UBE3C: variants seen among roughly 807,000 people sequenced by gnomAD.
UBE3C encodes the protein ubiquitin-protein ligase E3C.
In UBE3C, 42 loss-of-function variants were observed where a neutral mutation model predicts 129.4. That is an observed-to-expected ratio of 0.32 (90% CI 0.25 to 0.42). The LOEUF is 0.42. Ranked by LOEUF, UBE3C falls within the 10% of genes least tolerant of loss-of-function variation. The pLI, the probability that UBE3C is intolerant of heterozygous loss-of-function variation, is 1.00. For synonymous variants in UBE3C, 510 were observed against 492.4 expected (o/e 1.04, Z -0.47); for missense variants, 1,049 against 1,319.1 (o/e 0.80, Z 3.17).
At chr7:157,147,305 G>A (rs1354860697) in intron 1 of UBE3C, among the ~76,000 whole-genome samples, 1 of 152,164 alleles carries the variant, frequency 6.6e-6, no homozygotes, top group Non-Finnish European at 1.5e-5. Context: ...GAATGGTATT[G>A]TGTTTCAGTT....
intron 13 of UBE3C, among the ~76,000 whole-genome samples, chr7:157,211,193 A>AGAGAGAGAGAGAGAGAGC (rs1023528201): frequency 5.9e-5 from 9 of 151,494 alleles, no homozygotes; most frequent in Non-Finnish European, 1.3e-4. Context: ...AGAGAGAGAG[A>AGAGAGAGAGAGAGAGAGC]GCCATACTAT....
intron 18 of UBE3C, among the ~76,000 whole-genome samples, chr7:157,243,088 C>CA (rs1796387303): frequency 6.6e-6 from 1 of 152,076 alleles, no homozygotes; most frequent in Non-Finnish European, 1.5e-5. Context: ...CCAAGCTGCT[C>CA]AAAATGTATC....
chr7:157,201,636 G>A (rs1411302065), intron 10 of UBE3C, 85 bp from the exon 11 acceptor site: 21 of 516,052 alleles, frequency 4.1e-5, no homozygotes, highest in Non-Finnish European at 6.0e-5. Flanking sequence ...TCAGTGTATC[G>A]CTTTTTTTTT....
At chr7:157,250,479 T>A (rs910037427) in intron 19 of UBE3C, among the ~76,000 whole-genome samples, 29 of 151,406 alleles carry the variant, frequency 1.9e-4, no homozygotes, top group Non-Finnish European at 1.5e-5. Flanking sequence ...GAGCCACCAT[T>A]CCTGGCTAAT....
At chr7:157,156,300 C>CTTTTTT (rs1173730075) in intron 1 of UBE3C, among the ~76,000 whole-genome samples, 77 of 85,872 alleles carry the variant, frequency 9.0e-4, no homozygotes, top group Non-Finnish European at 1.2e-3. Flanking sequence ...ACCCCCAGTT[C>CTTTTTT]TTTTTTTTTT....
At chr7:157,237,953 G>T (rs1796195598) in intron 18 of UBE3C, among the ~76,000 whole-genome samples, 1 of 151,986 alleles carries the variant, frequency 6.6e-6, no homozygotes, top group Non-Finnish European at 1.5e-5. Flanking sequence ...TTGGGAGGCT[G>T]AGGTGGGAGG....
intron 1 of UBE3C, among the ~76,000 whole-genome samples, chr7:157,153,721 C>T (rs1341160845): frequency 6.6e-6 from 1 of 152,030 alleles, no homozygotes; most frequent in African/African-American, 2.4e-5. Context: ...GTTAACTTTT[C>T]CTCCCGGCAC....
At chr7:157,238,871 G>A (rs6459747) in intron 18 of UBE3C, among the ~76,000 whole-genome samples, 50,937 of 151,990 alleles carry the variant, frequency 0.34, 11,579 homozygotes, top group African/African-American at 0.64. Context: ...GAAAACCAGA[G>A]AAGTGGGATT....
At chr7:157,194,869 G>A (rs1431942189) in intron 10 of UBE3C, among the ~76,000 whole-genome samples, 1 of 152,292 alleles carries the variant, frequency 6.6e-6, no homozygotes, top group Non-Finnish European at 1.5e-5. Context: ...AGCAAGCTGT[G>A]GAAGGTACAG....
intron 2 of UBE3C, among the ~76,000 whole-genome samples, chr7:157,167,933 C>T (rs996886217): frequency 6.6e-5 from 10 of 152,078 alleles, no homozygotes; most frequent in Non-Finnish European, 1.2e-4. Flanking sequence ...TTTGCCAGGT[C>T]GCTGAACATT....
intron 11 of UBE3C, 31 bp downstream of exon 11, chr7:157,201,838 T>G: frequency 6.4e-7 from 1 of 1,566,498 alleles, no homozygotes; most frequent in South Asian, 1.1e-5. Flanking sequence ...TAAATTGAGC[T>G]CAAGGGCACA....
intron 1 of UBE3C, among the ~76,000 whole-genome samples, chr7:157,146,141 A>G (rs983923875): frequency 1.3e-5 from 2 of 151,974 alleles, no homozygotes; most frequent in Admixed American, 6.6e-5. Context: ...TTGTTTGTGG[A>G]TGTCCAGTTA....
At chr7:157,172,462 C>T (rs916942029) in intron 4 of UBE3C, among the ~76,000 whole-genome samples, 10 of 152,068 alleles carry the variant, frequency 6.6e-5, no homozygotes, top group Admixed American at 4.6e-4. Flanking sequence ...CTAGAATGAT[C>T]CTACTTGAAT....
intron 1 of UBE3C, among the ~76,000 whole-genome samples, chr7:157,158,653 G>A (rs1186135168): frequency 6.6e-6 from 1 of 152,198 alleles, no homozygotes; most frequent in Non-Finnish European, 1.5e-5. Context: ...TTTTCCTGGG[G>A]AAGACAAACT....
intron 19 of UBE3C, among the ~76,000 whole-genome samples, chr7:157,249,408 C>T (rs907820961): frequency 2.0e-5 from 3 of 152,138 alleles, no homozygotes; most frequent in African/African-American, 4.8e-5. Context: ...CTCCACCTCC[C>T]GGGTTCAAGT....
intron 4 of UBE3C, among the ~76,000 whole-genome samples, chr7:157,171,682 ATATATTTTTTTTTTTTTTTTTTTTTT>A (rs869223487): frequency 0.11 from 4,731 of 44,868 alleles, 164 homozygotes; most frequent in Non-Finnish European, 0.14. Context: ...ATATATATAT[ATATATTTTTTTTTTTTTTTTTTTTTT>A]TTTTTTTTTT....
chr7:157,228,137 G>A (rs764375010), intron 17 of UBE3C, among the ~76,000 whole-genome samples: 2 of 152,146 alleles, frequency 1.3e-5, no homozygotes, highest in Non-Finnish European at 2.9e-5. Context: ...CATGCTTTAC[G>A]ATGCTCGTTG....
intron 1 of UBE3C, chr7:157,140,136 AAC>A: frequency 1.7e-6 from 1 of 579,196 alleles, no homozygotes. Context: ...TAAGTCGTTG[AAC>A]ACTGTGTGGT....
intron 18 of UBE3C, among the ~76,000 whole-genome samples, chr7:157,242,656 A>T (rs1429248768): frequency 6.6e-6 from 1 of 151,690 alleles, no homozygotes; most frequent in Non-Finnish European, 1.5e-5. Context: ...TTCCTTGTTC[A>T]TGAAGATGTT....
Sources: gnomAD v4.1 joint callset for allele counts (sites outside exome capture counted in the v4.1 genomes callset) on GRCh38, gnomAD v4.1.1 for gene constraint, MANE v1.5 for transcripts, NCBI Gene and HGNC (gene_info 2026-07-23, HGNC 2026-07-21) for gene names.